The following GALNT18 variants were observed in gnomAD, a reference collection of about 807,000 sequenced individuals.
GALNT18 encodes the protein GalNAc-transferase 18.
Under a neutral mutation model 69.5 loss-of-function variants are expected in GALNT18, and 44 were observed. That is an observed-to-expected ratio of 0.63 (90% CI 0.50 to 0.81). The LOEUF (loss-of-function observed/expected upper bound fraction) is 0.81. Among genes scored for constraint, GALNT18 ranks in the 40% least tolerant of loss-of-function variants. The pLI is 0.00. For synonymous variants in GALNT18, 364 were observed against 318.2 expected (o/e 1.14, Z -1.53); for missense variants, 715 against 810.0 (o/e 0.88, Z 1.42).
At chr11:11,426,068 C>T (rs1181422888) in intron 3 of GALNT18, among the ~76,000 whole-genome samples, 2 of 152,148 alleles carry the variant, frequency 1.3e-5, no homozygotes, top group Non-Finnish European at 2.9e-5. Flanking sequence ...GGAGGGGAAA[C>T]ATGGCCTTCG....
chr11:11,459,977 C>T lies in GALNT18; in HGVS notation c.236-11041G>A, dbSNP rs1192536999. On this transcript the variant is annotated intron_variant, in intron 1 of 10. Transcript: ENST00000227756. This position sits in a 1 kb window ranked among gnomAD's most constrained non-coding sequence, Gnocchi z 5.0. ...TCCAGAGGCTGCCTGCATTCCTTGG[C>T]TTATGGCCTCTTCCTCCGTCTTCAA... 6.6e-6 allele frequency among the ~76,000 whole-genome samples: 1 copy of T among 152,162 alleles called. No homozygotes were observed. Among genetic ancestry groups the T allele is most frequent in the Non-Finnish European group, 1.5e-5 (1 of 68,028 alleles).
intron 1 of GALNT18, among the ~76,000 whole-genome samples, chr11:11,535,324 G>C (rs58828068): frequency 0.086 from 13,158 of 152,254 alleles, 751 homozygotes; most frequent in South Asian, 0.18. Context: ...GCAACACAAG[G>C]CAAGTCAGTT....
rs529417886 is a variant in GALNT18, at chr11:11,387,755, C to A, written c.596-8491G>T. Among the ~76,000 whole-genome samples, 1 of 152,342 alleles carries A rather than the reference C, an allele frequency of 6.6e-6. No homozygotes were observed. Among genetic ancestry groups the A allele is most frequent in the East Asian group, 1.9e-4 (1 of 5,178 alleles). ...ATAAAGACAGATGTCACCGTCCGCA[C>A]CTCCATGGAGAATCTGGAGTGGGGG... On this transcript the variant is annotated intron_variant, in intron 3 of 10. Transcript: ENST00000227756. The surrounding 1 kb of genome is among the most constrained non-coding windows in gnomAD (Gnocchi z 4.6).
chr11:11,585,652 G>A (rs201342771), intron 1 of GALNT18, among the ~76,000 whole-genome samples: 4 of 152,070 alleles, frequency 2.6e-5, no homozygotes, highest in South Asian at 2.1e-4. Flanking sequence ...CACCGCGCCC[G>A]GCCGAAAAAT....
At position 11,436,294 on chromosome 11, in the gene GALNT18, C is replaced by T. The variant is rs1334170687; in HGVS notation, c.429-3507G>A. On this transcript the variant is annotated intron_variant, in intron 2 of 10. Coordinates refer to ENST00000227756, the MANE Select transcript of GALNT18 (RefSeq NM_198516.3). This position sits in a 1 kb window ranked among gnomAD's most constrained non-coding sequence, Gnocchi z 4.5. Reference sequence around the variant, plus strand: ...GGATCACTCAGATGGCTTCTCTCCACAAGATTGAGGCTCTTCTATCTTACG... The same window carrying T: ...GGATCACTCAGATGGCTTCTCTCCATAAGATTGAGGCTCTTCTATCTTACG... Among the ~76,000 whole-genome samples, 1 of 152,226 alleles carries T rather than the reference C, an allele frequency of 6.6e-6. No homozygotes were observed. Among genetic ancestry groups the T allele is most frequent in the East Asian group, 1.9e-4 (1 of 5,190 alleles).
intron 1 of GALNT18, among the ~76,000 whole-genome samples, chr11:11,477,441 G>C (rs1856426411): frequency 1.3e-5 from 2 of 152,176 alleles, no homozygotes; most frequent in South Asian, 4.1e-4. Flanking sequence ...TTAAATATCT[G>C]CCTGGGCCTG....
At chr11:11,390,781 T>G (rs1854169328) in intron 3 of GALNT18, among the ~76,000 whole-genome samples, 1 of 152,104 alleles carries the variant, frequency 6.6e-6, no homozygotes, top group Non-Finnish European at 1.5e-5. Context: ...GGCCTTCCCG[T>G]TTTTCTTTCT....
Position 11,389,917 on chromosome 11 carries a change from C to CA in GALNT18, c.596-10654_596-10653insT, listed in dbSNP as rs544971852. 2.4e-3 allele frequency among the ~76,000 whole-genome samples: 365 copies of CA among 152,230 alleles called. 8 individuals carry two copies. Among genetic ancestry groups the CA allele is most frequent in the Non-Finnish European group, 4.7e-4 (32 of 68,010 alleles). ...ACTTGAATTTTGGTGCTGGCTTCTC[C>CA]TTTTTTGCAAGGCTTAGAGTTTAGA... On this transcript the variant is annotated intron_variant, in intron 3 of 10. Transcript: ENST00000227756. This position sits in a 1 kb window ranked among gnomAD's most constrained non-coding sequence, Gnocchi z 4.3.
chr11:11,294,611 A>G (rs1338617247), intron 9 of GALNT18, among the ~76,000 whole-genome samples: 2 of 304 alleles, frequency 6.6e-3, no homozygotes, highest in Non-Finnish European at 0.1. Context: ...ACATCCCAGA[A>G]AAAAAAAAAA....
intron 1 of GALNT18, among the ~76,000 whole-genome samples, chr11:11,518,048 G>A (rs1169539284): frequency 6.6e-6 from 1 of 152,180 alleles, no homozygotes; most frequent in Non-Finnish European, 1.5e-5. Context: ...TCATCCTCCA[G>A]CAGTCTCCAA....
In GALNT18 at chr11:11,601,815, G is replaced by A. The variant is rs1387824634; in HGVS notation, c.235+19544C>T. 6.6e-6 allele frequency among the ~76,000 whole-genome samples: 1 copy of A among 152,052 alleles called. No homozygotes were observed. ...CAAAACCTGTTTTTTTCTCATCAAT[G>A]TTATAACAAAACAACATTGAAGGAA... On this transcript the variant is annotated intron_variant, in intron 1 of 10. Coordinates refer to ENST00000227756, the MANE Select transcript of GALNT18 (RefSeq NM_198516.3). The surrounding 1 kb of genome is among the most constrained non-coding windows in gnomAD (Gnocchi z 4.0).
chr11:11,373,771 C>A (rs747637366), intron 5 of GALNT18, among the ~76,000 whole-genome samples: 1 of 152,178 alleles, frequency 6.6e-6, no homozygotes, highest in Non-Finnish European at 1.5e-5. Context: ...CGTGAGAGCA[C>A]GGGGCTACTT....
At chr11:11,316,605 G>A (rs866975914) in intron 9 of GALNT18, among the ~76,000 whole-genome samples, 2 of 152,302 alleles carry the variant, frequency 1.3e-5, no homozygotes, top group African/African-American at 2.4e-5. Flanking sequence ...TTTCAAAAAC[G>A]TCAGAAGGAA....
At chr11:11,441,514 C>T (rs1019099944) in intron 2 of GALNT18, among the ~76,000 whole-genome samples, 5 of 152,118 alleles carry the variant, frequency 3.3e-5, no homozygotes, top group Non-Finnish European at 5.9e-5. Context: ...GTAAAAATAC[C>T]GGCTCGGCCA....
intron 3 of GALNT18, among the ~76,000 whole-genome samples, chr11:11,409,907 G>T (rs1854688697): frequency 6.6e-6 from 1 of 152,196 alleles, no homozygotes; most frequent in African/African-American, 2.4e-5. Flanking sequence ...AATACACAGT[G>T]ACAGGTCCAT....
intron 3 of GALNT18, among the ~76,000 whole-genome samples, chr11:11,418,547 A>ATC (rs1230650183): frequency 1.3e-5 from 2 of 152,168 alleles, no homozygotes; most frequent in African/African-American, 4.8e-5. Flanking sequence ...AGTGACTGAG[A>ATC]TCTCTCCTCT....
chr11:11,271,971 C>A (rs933586113), intron 10 of GALNT18, among the ~76,000 whole-genome samples: 19 of 152,128 alleles, frequency 1.2e-4, no homozygotes, highest in African/African-American at 4.1e-4. Context: ...GGGCTTGGAC[C>A]CTTTGGGTTG....
chr11:11,526,514 A>C (rs1857529354), intron 1 of GALNT18, among the ~76,000 whole-genome samples: 3 of 152,190 alleles, frequency 2.0e-5, no homozygotes, highest in Admixed American at 6.5e-5. Context: ...TCTTTCTTTT[A>C]AAAATATATT....
chr11:11,488,367 C>T (rs529510687), intron 1 of GALNT18, among the ~76,000 whole-genome samples: 5 of 151,956 alleles, frequency 3.3e-5, no homozygotes, highest in African/African-American at 9.7e-5. Context: ...CCAGGTGGAT[C>T]GAATCCTTCT....
Sources: allele counts gnomAD v4.1 joint callset (sites outside exome capture counted in the v4.1 genomes callset), GRCh38; gene constraint gnomAD v4.1.1; non-coding constraint Gnocchi (gnomAD v3.1); transcripts MANE v1.5; gene names NCBI Gene and HGNC (gene_info 2026-07-23, HGNC 2026-07-21).